The following SLC13A2 variants were observed in gnomAD, a reference collection of about 807,000 sequenced individuals.
The protein encoded by SLC13A2 is Na(+)-coupled citrate transporter.
In SLC13A2, 40 loss-of-function variants were observed where a neutral mutation model predicts 58.5. The observed-to-expected ratio is 0.68, with a 90% confidence interval of 0.53 to 0.89. The LOEUF (loss-of-function observed/expected upper bound fraction) is 0.89, where lower values mean the gene tolerates loss of function less well. SLC13A2 is among the 40% of genes least tolerant of loss of function. The pLI is 0.00. For missense variants in SLC13A2, 694 were observed against 772.6 expected (o/e 0.90, Z 1.21); for synonymous variants, 341 against 331.6 (o/e 1.03, Z -0.31).
chr17:28,490,831 A>C lies in SLC13A2; in HGVS notation c.499A>C (p.Asn167His). 6.2e-7 allele frequency: 1 copy of C among 1,614,132 alleles called. No individual in the cohort carries two copies. The highest frequency in any genetic ancestry group is 1.3e-5 in the African/African-American group (1 of 75,040). ...GCTGCACAGCTCGCAAGCCAGCAGC[A>C]ACGTCGAGGAGGGCAGCAACAACCC... ...DQLHSSQASS[N>H]VEEGSNNPTF... Residue 167 changes from asparagine (N) to histidine (H), a missense_variant, in exon 4 of 12, where the codon AAC becomes CAC. Asn to His is a moderately conservative substitution (Grantham distance 68). Transcript: ENST00000314669.
intron 1 of SLC13A2, among the ~76,000 whole-genome samples, chr17:28,478,949 CT>C (rs2068736088): frequency 1.3e-5 from 2 of 152,088 alleles, no homozygotes; most frequent in Admixed American, 6.5e-5. Context: ...CAGGGAAGGC[CT>C]CCTGAGGAGG....
In SLC13A2 at chr17:28,494,272, G is replaced by T; in HGVS notation, c.1187-119G>T. ...GACAAAGTTGAGATGTTGCAGAACT[G>T]AGGGTCCCCTCCTGCACGCGTTAAG... On this transcript the variant is annotated intron_variant, in intron 8 of 11. Coordinates refer to ENST00000314669, the MANE Select transcript of SLC13A2 (RefSeq NM_003984.4). This position sits in a 1 kb window ranked among gnomAD's most constrained non-coding sequence, Gnocchi z 4.0. 1 of 1,573,434 alleles carries T rather than the reference G, an allele frequency of 6.4e-7. No individual in the cohort carries two copies. Among genetic ancestry groups the T allele is most frequent in the African/African-American group, 1.3e-5 (1 of 74,086 alleles).
chr17:28,484,235 C>T (rs1260155590), intron 1 of SLC13A2, among the ~76,000 whole-genome samples: 9 of 152,166 alleles, frequency 5.9e-5, no homozygotes, highest in Non-Finnish European at 1.2e-4. Flanking sequence ...GAGTGCTATG[C>T]AGAAGAGGTA....
At chr17:28,482,482 G>A (rs1157804387) in intron 1 of SLC13A2, among the ~76,000 whole-genome samples, 1 of 152,182 alleles carries the variant, frequency 6.6e-6, no homozygotes, top group Non-Finnish European at 1.5e-5. Context: ...ACCAAAAAAA[G>A]TGTACAAACC....
intron 5 of SLC13A2, 47 bp from the exon 6 acceptor site, chr17:28,491,683 G>T (rs2069027348): frequency 2.5e-6 from 4 of 1,610,350 alleles, no homozygotes; most frequent in Non-Finnish European, 3.4e-6. Flanking sequence ...ATGGGGCTGG[G>T]CAGTTCTCGG....
intron 7 of SLC13A2, 94 bp from the exon 8 acceptor site, chr17:28,493,923 A>G: frequency 1.3e-6 from 2 of 1,481,874 alleles, no homozygotes; most frequent in Admixed American, 1.7e-5. Context: ...AGGCTTGTCT[A>G]TGGGAGAGGC....
intron 1 of SLC13A2, among the ~76,000 whole-genome samples, chr17:28,485,614 C>G (rs185642714): frequency 1.1e-4 from 16 of 152,296 alleles, no homozygotes; most frequent in African/African-American, 3.8e-4. Flanking sequence ...AAACCCAAAC[C>G]CTCTAAGCAT....
intron 1 of SLC13A2, among the ~76,000 whole-genome samples, chr17:28,488,047 G>A (rs2068918733): frequency 6.6e-6 from 1 of 152,144 alleles, no homozygotes; most frequent in Non-Finnish European, 1.5e-5. Flanking sequence ...TACCCTCTGA[G>A]CTCATCTATA....
rs1275502746 is a variant in SLC13A2, at chr17:28,497,341, C to T, written c.*72C>T. The T allele has an allele frequency of 1.8e-5, 28 of 1,518,408 alleles. No individual in the cohort carries two copies. The African/African-American group carries it at 3.5e-4, about 19-fold the overall frequency. 94.1% of individuals were successfully genotyped at this position (1,518,408 alleles called of 1,614,324 possible). On this transcript the variant is annotated 3_prime_UTR_variant, in exon 12 of 12. Coordinates refer to ENST00000314669, the MANE Select transcript of SLC13A2 (RefSeq NM_003984.4). ...ACTCCTCTGAGCCCGGAGGGGACAC[C>T]CCAAGCTCCAAGCTCCAAGCTCCAG...
intron 1 of SLC13A2, among the ~76,000 whole-genome samples, chr17:28,475,952 G>T (rs1374622747): frequency 1.3e-5 from 2 of 152,054 alleles, no homozygotes; most frequent in African/African-American, 4.8e-5. Flanking sequence ...CTCTAAACTG[G>T]TATTATCCAA....
At chr17:28,491,935 G>C in intron 6 of SLC13A2, 83 bp downstream of exon 6, 1 of 1,534,002 alleles carries the variant, frequency 6.5e-7, no homozygotes, top group South Asian at 1.2e-5. Flanking sequence ...TGTGGAAAAT[G>C]ATATTATCAC....
At chr17:28,477,127 T>G (rs1479743698) in intron 1 of SLC13A2, among the ~76,000 whole-genome samples, 1 of 149,120 alleles carries the variant, frequency 6.7e-6, no homozygotes, top group African/African-American at 2.5e-5. Flanking sequence ...GCCATTGCAC[T>G]CCAGTCTGGG....
Position 28,493,656 on chromosome 17 carries a change from C to A in SLC13A2, c.964C>A (p.Leu322Met), listed in dbSNP as rs2069074583. 1 of 1,614,130 alleles carries A rather than the reference C, an allele frequency of 6.2e-7. No individual in the cohort carries two copies. The highest frequency in any genetic ancestry group is 1.3e-5 in the African/African-American group (1 of 74,942). Residue 322 changes from leucine to methionine, a missense_variant, in exon 7 of 12, where the codon CTG (leucine) becomes ATG (methionine). By Grantham distance (15) the Leu-to-Met change is conservative. Coordinates refer to ENST00000314669, the MANE Select transcript of SLC13A2 (RefSeq NM_003984.4). Reference protein sequence around the residue: ...YCVIQTEHRLLGPMTFAEKAI... With the variant: ...YCVIQTEHRLMGPMTFAEKAI... Reference sequence around the variant, plus strand: ...CGTCATCCAGACCGAGCACAGGCTGCTGGGCCCCATGACCTTTGCAGAAAA... The same window carrying A: ...CGTCATCCAGACCGAGCACAGGCTGATGGGCCCCATGACCTTTGCAGAAAA...
chr17:28,490,516 C>G lies in SLC13A2; in HGVS notation c.294C>G (p.Ile98Met). The G allele has an allele frequency of 6.2e-7, 1 of 1,614,152 alleles. No homozygotes were observed. The highest frequency in any genetic ancestry group is 8.5e-7 in the Non-Finnish European group (1 of 1,180,012). ...TCTTCGGGGGGCTGCTGGTGGCCAT[C>G]GCGGTGGAACACTGGAACCTGCATA... ...LLFFGGLLVA[I>M]AVEHWNLHKR... The change falls in exon 3 of 12, where the codon ATC becomes ATG. Residue 98 changes from isoleucine (I) to methionine (M), a missense_variant. Transcript: ENST00000314669.
intron 1 of SLC13A2, among the ~76,000 whole-genome samples, chr17:28,477,339 A>T (rs1259257109): frequency 6.6e-6 from 1 of 151,184 alleles, no homozygotes. Context: ...GACTACAGTC[A>T]CCTGCCACCA....
chr17:28,493,877 C>A, intron 7 of SLC13A2, 88 bp downstream of exon 7: 1 of 1,500,338 alleles, frequency 6.7e-7, no homozygotes, highest in Non-Finnish European at 9.2e-7. Flanking sequence ...CATTGCAGAA[C>A]AGGAGGTAAC....
At position 28,496,620 on chromosome 17, in the gene SLC13A2, C is replaced by T. The variant is rs2151465652; in HGVS notation, c.1608+33C>T. The stretch of plus-strand genomic sequence containing the variant: ...GCAGGGAGGCCTGAATGCCTCATCC[C>T]TCCTTCCTGCTCTGACTTTTCATCT... On this transcript the variant is annotated intron_variant, in intron 11 of 11. Transcript: ENST00000314669. The surrounding 1 kb of genome is among the most constrained non-coding windows in gnomAD (Gnocchi z 4.2). 1 of 1,584,920 alleles carries T rather than the reference C, an allele frequency of 6.3e-7. No individual in the cohort carries two copies. Among genetic ancestry groups the T allele is most frequent in the Non-Finnish European group, 8.6e-7 (1 of 1,161,018 alleles).
At chr17:28,495,894 G>T (rs1555604560) in intron 10 of SLC13A2, 78 bp downstream of exon 10, 10 of 1,487,136 alleles carry the variant, frequency 6.7e-6, no homozygotes. Context: ...GCTGGGCAGA[G>T]TATCCTGTCT....
At chr17:28,495,327 T>C (rs782693045) in intron 9 of SLC13A2, among the ~76,000 whole-genome samples, 2 of 152,166 alleles carry the variant, frequency 1.3e-5, no homozygotes, top group Non-Finnish European at 2.9e-5. Context: ...GGGCTAAGGT[T>C]GTCCAGGGAC....
Sources: allele counts gnomAD v4.1 joint callset (sites outside exome capture counted in the v4.1 genomes callset), GRCh38; gene constraint gnomAD v4.1.1; non-coding constraint Gnocchi (gnomAD v3.1); transcripts MANE v1.5; gene names NCBI Gene and HGNC (gene_info 2026-07-23, HGNC 2026-07-21).